The following PCDH11X variants were observed in gnomAD, a reference collection of about 807,000 sequenced individuals.
PCDH11X encodes the protein protocadherin-11 X-linked.
Under a neutral mutation model 53.3 loss-of-function variants are expected in PCDH11X, and 18 were observed. The observed-to-expected ratio is 0.34, with a 90% CI of 0.23 to 0.50. The LOEUF is 0.50. Ranked by LOEUF, PCDH11X falls within the 20% of genes least tolerant of loss-of-function variation. The pLI is 0.98. For missense variants in PCDH11X, 570 were observed against 1,032.4 expected, an observed-to-expected ratio of 0.55 and a Z score of 6.14; for synonymous variants, 279 against 393.3, an observed-to-expected ratio of 0.71 and a Z score of 3.44.
At chrX:91,801,966 A>G (rs747164943) in intron 1 of PCDH11X, among the ~76,000 whole-genome samples, 3 of 113,450 alleles carry the variant, frequency 2.6e-5, no homozygotes, top group Non-Finnish European at 5.6e-5. Flanking sequence ...ACTTTCTTGA[A>G]GAATTGGTCT....
chrX:92,406,579 C>G (rs2071521817), intron 9 of PCDH11X, among the ~76,000 whole-genome samples: 1 of 97,390 alleles, frequency 1.0e-5, no homozygotes, highest in African/African-American at 3.8e-5. Flanking sequence ...CTAATATTTT[C>G]AAAGATTACC....
rs1004824978 is a variant in PCDH11X at position 92,485,577 on chromosome X, A to G, written c.3367+17255A>G. Reference sequence around the variant, plus strand: ...ATTTTTCTTTAAGATATAGCCTTGCATAATAATAGAAAGATTGATGAAATG... The same window carrying G: ...ATTTTTCTTTAAGATATAGCCTTGCGTAATAATAGAAAGATTGATGAAATG... On this transcript the variant is annotated intron_variant, in intron 10 of 10. Coordinates refer to ENST00000682573, the MANE Select transcript of PCDH11X (RefSeq NM_032968.5). Among the ~76,000 whole-genome samples, 35 of 111,918 alleles carry G rather than the reference A, an allele frequency of 3.1e-4. No individual in the cohort carries two copies. In the Admixed American group the frequency reaches 3.1e-3, roughly 10 times the overall value.
intron 6 of PCDH11X, among the ~76,000 whole-genome samples, chrX:91,948,319 T>C (rs1222576090): frequency 9.0e-6 from 1 of 111,028 alleles, no homozygotes; most frequent in Non-Finnish European, 1.9e-5. Flanking sequence ...TAGTTGACAA[T>C]TCTGCCCACC....
intron 8 of PCDH11X, among the ~76,000 whole-genome samples, chrX:92,330,782 A>T (rs1449993050): frequency 9.2e-6 from 1 of 108,577 alleles, no homozygotes; most frequent in Admixed American, 1.0e-4. Context: ...TATGCATATA[A>T]TTATCCTGAG....
chrX:91,825,970 A>T (rs1370469735), intron 4 of PCDH11X, among the ~76,000 whole-genome samples: 1 of 108,723 alleles, frequency 9.2e-6, no homozygotes, highest in African/African-American at 3.5e-5. Flanking sequence ...AGAAACGTCT[A>T]ATTTTTACCG....
At chrX:92,446,450 G>A (rs1443584159) in intron 9 of PCDH11X, among the ~76,000 whole-genome samples, 1 of 110,933 alleles carries the variant, frequency 9.0e-6, no homozygotes, top group Non-Finnish European at 1.9e-5. Context: ...TTATGGGGCA[G>A]GCCTTTCCTG....
intron 4 of PCDH11X, among the ~76,000 whole-genome samples, chrX:91,825,367 T>A (rs992570120): frequency 9.0e-6 from 1 of 111,637 alleles, no homozygotes; most frequent in Non-Finnish European, 1.9e-5. Context: ...GTGCAGGATA[T>A]AATCTCGTGG....
At chrX:91,807,456 TTG>T in intron 1 of PCDH11X, among the ~76,000 whole-genome samples, 1 of 110,517 alleles carries the variant, frequency 9.0e-6, no homozygotes, top group African/African-American at 3.3e-5. Context: ...GAGGATGGTT[TTG>T]TGTGTGTGTG....
At chrX:92,575,295 T>C (rs1922694815) in intron 10 of PCDH11X, among the ~76,000 whole-genome samples, 1 of 110,493 alleles carries the variant, frequency 9.1e-6, no homozygotes, top group African/African-American at 3.3e-5. Context: ...ATTTCTATTT[T>C]GTTATTAATT....
rs1173562560 is a variant in PCDH11X at position 92,575,978 on chromosome X, GTATATATA to G, written c.3368-42259_3368-42252del. Among the ~76,000 whole-genome samples the G allele has an allele frequency of 6.1e-3, 112 of 18,444 alleles. 4 individuals carry two copies. Among genetic ancestry groups the G allele is most frequent in the South Asian group, 0.01 (3 of 298 alleles). 16.0% of individuals were successfully genotyped at this position (18,444 alleles called of 115,157 possible). A position where few individuals can be genotyped will look rare whatever the true frequency, so the allele number is the denominator to read the frequency against. ...ACACACACACACACACACCTGGGGT[GTATATATA>G]TATATATATATATATATATATATAT... On this transcript the variant is annotated intron_variant, in intron 10 of 10. Transcript: ENST00000682573.
intron 9 of PCDH11X, among the ~76,000 whole-genome samples, chrX:92,447,188 C>T (rs2072672627): frequency 8.9e-6 from 1 of 111,971 alleles, no homozygotes; most frequent in Non-Finnish European, 1.9e-5. Context: ...AAAGAATTTA[C>T]TATTTTTTGA....
intron 1 of PCDH11X, among the ~76,000 whole-genome samples, chrX:91,802,890 T>G (rs1466647711): frequency 9.0e-6 from 1 of 111,024 alleles, no homozygotes; most frequent in Non-Finnish European, 1.9e-5. Context: ...TAAGTAAAAA[T>G]TAGTGTTGGA....
intron 8 of PCDH11X, among the ~76,000 whole-genome samples, chrX:92,385,877 A>C (rs2071002109): frequency 1.8e-5 from 2 of 110,873 alleles, no homozygotes; most frequent in African/African-American, 6.6e-5. Flanking sequence ...TGAACTCCTC[A>C]ATATTACTTA....
intron 8 of PCDH11X, among the ~76,000 whole-genome samples, chrX:92,286,229 C>T (rs1244691213): frequency 9.3e-6 from 1 of 107,194 alleles, no homozygotes; most frequent in Non-Finnish European, 1.9e-5. Context: ...GCCATCACAG[C>T]TTTATCACGC....
chrX:91,835,628 G>A lies in PCDH11X; in HGVS notation c.124G>A (p.Asp42Asn), dbSNP rs34218816. The change falls in exon 5 of 11, where the codon GAC (aspartate) becomes AAC (asparagine). Residue 42 changes from aspartate to asparagine, a missense_variant. By Grantham distance (23) the Asp-to-Asn change is conservative. Coordinates refer to ENST00000682573, the MANE Select transcript of PCDH11X (RefSeq NM_032968.5). ...AATGCCAGAAAACGTCCTGATAGGC[G>A]ACTTGTTGAAAGACCTTAACTTGTC... ...EEMPENVLIG[D>N]LLKDLNLSLI... The A allele has an allele frequency of 5.8e-6, 7 of 1,210,896 alleles. No individual in the cohort carries two copies. The highest frequency in any genetic ancestry group is 2.3e-4 in the Middle Eastern group (1 of 4,356).
intron 1 of PCDH11X, among the ~76,000 whole-genome samples, chrX:91,805,806 G>A (rs952325298): frequency 1.8e-5 from 2 of 108,711 alleles, no homozygotes; most frequent in African/African-American, 6.8e-5. Context: ...ATCCTGGGTG[G>A]CAGAGTGAGA....
At chrX:92,592,370 T>A (rs1925119824) in intron 10 of PCDH11X, among the ~76,000 whole-genome samples, 1 of 108,801 alleles carries the variant, frequency 9.2e-6, no homozygotes, top group Non-Finnish European at 1.9e-5. Flanking sequence ...AGACGCCTCG[T>A]GTGCCTGTTG....
In PCDH11X at chrX:92,425,214, GAAAACAATAAATTGGA is replaced by G. The variant is rs1473656039; in HGVS notation, c.3343+37282_3343+37297del. The stretch of plus-strand genomic sequence containing the variant: ...AGATGGACAACTTGATTGCTATTGG[GAAAACAATAAATTGGA>G]CTGGAGCAAAAAGAAGGAGACTACT... On this transcript the variant is annotated intron_variant, in intron 9 of 10. Coordinates refer to ENST00000682573, the MANE Select transcript of PCDH11X (RefSeq NM_032968.5). Among the ~76,000 whole-genome samples, 15 of 110,998 alleles carry G rather than the reference GAAAACAATAAATTGGA, an allele frequency of 1.4e-4. No homozygotes were observed. In the Admixed American group the frequency reaches 1.4e-3, roughly 11 times the overall value.
chrX:92,128,333 G>T (rs1472380127), intron 6 of PCDH11X, among the ~76,000 whole-genome samples: 2 of 107,032 alleles, frequency 1.9e-5, no homozygotes, highest in Non-Finnish European at 3.8e-5. Context: ...GCCTTGGACA[G>T]AAAAGAAAGA....
Sources: allele counts gnomAD v4.1 joint callset (sites outside exome capture counted in the v4.1 genomes callset), GRCh38; gene constraint gnomAD v4.1.1; transcripts MANE v1.5; gene names NCBI Gene and HGNC (gene_info 2026-07-23, HGNC 2026-07-21).